Variants in CTNNA2 observed in about 807,000 individuals in gnomAD.
CTNNA2 encodes the protein catenin alpha 2.
In CTNNA2, 42 loss-of-function variants were observed where a neutral mutation model predicts 101.0. That is an observed-to-expected ratio of 0.42 (90% CI 0.32 to 0.54). The LOEUF is 0.54. Among genes scored for constraint, CTNNA2 ranks in the 20% least tolerant of loss-of-function variants. The pLI is 0.14. For missense variants in CTNNA2, 871 were observed against 1,223.1 expected, an observed-to-expected ratio of 0.71 and a Z score of 4.29; for synonymous variants, 450 against 456.4, an observed-to-expected ratio of 0.99 and a Z score of 0.18.
intron 7 of CTNNA2, among the ~76,000 whole-genome samples, chr2:80,025,466 T>G (rs958359113): frequency 6.6e-6 from 1 of 152,238 alleles, no homozygotes; most frequent in Non-Finnish European, 1.5e-5. Context: ...GCTGTCATCA[T>G]TAATGAGATG....
intron 7 of CTNNA2, among the ~76,000 whole-genome samples, chr2:80,097,477 A>G (rs978968306): frequency 2.0e-5 from 3 of 151,948 alleles, no homozygotes; most frequent in Admixed American, 6.5e-5. Flanking sequence ...TCTGACAATT[A>G]TGTGTCTTGG....
At chr2:79,852,501 A>G (rs1194835647) in intron 3 of CTNNA2, among the ~76,000 whole-genome samples, 4 of 152,328 alleles carry the variant, frequency 2.6e-5, no homozygotes, top group Non-Finnish European at 2.9e-5. Context: ...CACTAGTTCC[A>G]GTTTTCATCA....
At chr2:80,538,492 C>T (rs568607811) in intron 9 of CTNNA2, among the ~76,000 whole-genome samples, 188 of 152,230 alleles carry the variant, frequency 1.2e-3, no homozygotes, top group Non-Finnish European at 1.9e-3. Context: ...ATCCTTTCCC[C>T]ATTGCATGTT....
intron 6 of CTNNA2, among the ~76,000 whole-genome samples, chr2:79,897,079 T>C (rs1399814051): frequency 6.6e-6 from 1 of 152,152 alleles, no homozygotes; most frequent in Non-Finnish European, 1.5e-5. Context: ...GAAAATGACA[T>C]CTCAATTCAA....
intron 1 of CTNNA2, chr2:79,634,718 A>C (rs1679905224): frequency 6.6e-6 from 1 of 152,440 alleles, no homozygotes; most frequent in Non-Finnish European, 1.5e-5. Context: ...AGTAAGGAAA[A>C]CAGGGATGAA....
intron 9 of CTNNA2, among the ~76,000 whole-genome samples, chr2:80,456,702 T>C (rs1684006912): frequency 6.6e-6 from 1 of 152,166 alleles, no homozygotes; most frequent in Non-Finnish European, 1.5e-5. Flanking sequence ...ACTTATACAC[T>C]TCGAGTTTCA....
At chr2:80,285,846 T>C (rs777558344) in intron 7 of CTNNA2, among the ~76,000 whole-genome samples, 1 of 152,202 alleles carries the variant, frequency 6.6e-6, no homozygotes, top group Non-Finnish European at 1.5e-5. Context: ...TGTATGATAA[T>C]AGTCACTGTA....
At chr2:79,566,497 T>C (rs1675122460) in intron 1 of CTNNA2, among the ~76,000 whole-genome samples, 1 of 152,154 alleles carries the variant, frequency 6.6e-6, no homozygotes, top group African/African-American at 2.4e-5. Flanking sequence ...TTCAGGGAAG[T>C]CAAATCTATT....
chr2:79,272,383 TA>T (rs1430803742), intron 2 of CTNNA2, among the ~76,000 whole-genome samples: 3 of 152,050 alleles, frequency 2.0e-5, no homozygotes, highest in Non-Finnish European at 2.9e-5. Flanking sequence ...AGCTTCCAAT[TA>T]AAAACTTCAA....
Position 79,648,829 on chromosome 2 carries a change from T to C in CTNNA2, c.-5-2723T>C, listed in dbSNP as rs565151749. ...CAGAATTCCTGGTTTTAGTCTCAAC[T>C]GTATCAGAAACAGCATGGCTGGAAA... On this transcript the variant is annotated intron_variant, in intron 1 of 18. Coordinates refer to ENST00000402739, the MANE Select transcript of CTNNA2 (RefSeq NM_001282597.3). Among the ~76,000 whole-genome samples, 9 of 152,320 alleles carry C rather than the reference T, an allele frequency of 5.9e-5. No individual in the cohort carries two copies. The South Asian group carries it at 1.7e-3, about 28-fold the overall frequency.
chr2:79,237,877 G>T (rs1674577068), intron 2 of CTNNA2, among the ~76,000 whole-genome samples: 3 of 152,090 alleles, frequency 2.0e-5, no homozygotes, highest in Admixed American at 2.0e-4. Flanking sequence ...GAATGTTGTG[G>T]CTTGTTTGAT....
chr2:79,224,223 A>T (rs1235015905), intron 2 of CTNNA2, among the ~76,000 whole-genome samples: 1 of 152,214 alleles, frequency 6.6e-6, no homozygotes, highest in Non-Finnish European at 1.5e-5. Flanking sequence ...AACAGCCTCA[A>T]ATATTTTAAT....
At chr2:80,545,663 C>T (rs1338503548) in intron 10 of CTNNA2, among the ~76,000 whole-genome samples, 1 of 152,208 alleles carries the variant, frequency 6.6e-6, no homozygotes, top group Admixed American at 6.5e-5. Context: ...AGTCATGAGA[C>T]TTGTCCAGTA....
intron 7 of CTNNA2, among the ~76,000 whole-genome samples, chr2:79,946,976 G>A (rs1688537797): frequency 6.6e-6 from 1 of 152,150 alleles, no homozygotes. Context: ...ACTAATTTAG[G>A]TGAAAATAAT....
At chr2:79,783,714 T>C (rs1567531) in intron 3 of CTNNA2, among the ~76,000 whole-genome samples, 66,050 of 151,988 alleles carry the variant, frequency 0.43, 18,312 homozygotes, top group African/African-American at 0.77. Context: ...ATGTCTTCCC[T>C]GCCAACATGT....
chr2:79,897,657 T>C (rs988223214), intron 6 of CTNNA2, among the ~76,000 whole-genome samples: 2 of 152,180 alleles, frequency 1.3e-5, no homozygotes, highest in African/African-American at 4.8e-5. Context: ...CTAGAAGGAA[T>C]TGGAGCCAGG....
intron 8 of CTNNA2, among the ~76,000 whole-genome samples, chr2:80,418,617 G>T (rs1680242193): frequency 6.6e-6 from 1 of 152,168 alleles, no homozygotes; most frequent in African/African-American, 2.4e-5. Context: ...CCTATCAAGA[G>T]ATTCACTTGA....
chr2:80,638,275 T>C (rs536149040), intron 18 of CTNNA2, among the ~76,000 whole-genome samples: 11 of 152,296 alleles, frequency 7.2e-5, no homozygotes, highest in Non-Finnish European at 1.5e-4. Context: ...TAATGCCTTA[T>C]GTATTCATGT....
chr2:80,508,417 A>G (rs1312729551), intron 9 of CTNNA2, among the ~76,000 whole-genome samples: 1 of 152,160 alleles, frequency 6.6e-6, no homozygotes, highest in Non-Finnish European at 1.5e-5. Context: ...CCCAGGAGGT[A>G]GAGGTTTCAG....
Sources: allele counts gnomAD v4.1 joint callset (sites outside exome capture counted in the v4.1 genomes callset), GRCh38; gene constraint gnomAD v4.1.1; transcripts MANE v1.5; gene names NCBI Gene and HGNC (gene_info 2026-07-23, HGNC 2026-07-21).